The following SUSD6 variants were observed in gnomAD, a reference collection of about 807,000 sequenced individuals.
SUSD6 encodes the protein sushi domain containing 6.
A neutral mutation model predicts 28.4 loss-of-function variants in SUSD6; 16 were observed. The ratio of observed to expected loss-of-function variants is 0.56; its 90% CI spans 0.38 to 0.86. The LOEUF is 0.86. Among genes scored for constraint, SUSD6 ranks in the 40% least tolerant of loss-of-function variants. SUSD6 has a pLI of 0.00. For missense variants in SUSD6, 341 were observed against 384.2 expected (o/e 0.89, Z 0.94); for synonymous variants, 147 against 159.6 (o/e 0.92, Z 0.59).
At chr14:69,655,953 C>G (rs1885576114) in intron 1 of SUSD6, among the ~76,000 whole-genome samples, 1 of 152,254 alleles carries the variant, frequency 6.6e-6, no homozygotes, top group Admixed American at 6.5e-5. Flanking sequence ...TTATAATTTC[C>G]CTGTTTAGAA....
chr14:69,704,763 G>A (rs769440140), intron 4 of SUSD6, 21 bp downstream of exon 4: 96 of 1,610,852 alleles, frequency 6.0e-5, no homozygotes, highest in Non-Finnish European at 7.8e-5. Context: ...TGGCAGAGCT[G>A]ACATGAGACA....
chr14:69,643,853 A>G (rs962593328), intron 1 of SUSD6, among the ~76,000 whole-genome samples: 2 of 152,232 alleles, frequency 1.3e-5, no homozygotes, highest in East Asian at 1.9e-4. Flanking sequence ...GTAAAGCAGC[A>G]TACCTAGGCC....
At chr14:69,688,831 A>G (rs1177943141) in intron 2 of SUSD6, among the ~76,000 whole-genome samples, 2 of 152,230 alleles carry the variant, frequency 1.3e-5, no homozygotes, top group Non-Finnish European at 2.9e-5. Context: ...ATTATGAATA[A>G]CATGGCTTTG....
chr14:69,681,906 GT>G (rs1227141532), intron 2 of SUSD6, among the ~76,000 whole-genome samples: 1 of 152,186 alleles, frequency 6.6e-6, no homozygotes, highest in Non-Finnish European at 1.5e-5. Context: ...GTTAAATACT[GT>G]GTTAAATGTT....
intron 1 of SUSD6, among the ~76,000 whole-genome samples, chr14:69,623,017 G>T (rs1885064267): frequency 6.6e-6 from 1 of 152,214 alleles, no homozygotes; most frequent in African/African-American, 2.4e-5. Flanking sequence ...GTATGTAGTA[G>T]TGATGTTCAG....
At chr14:69,666,853 TG>T (rs759853802) in intron 2 of SUSD6, among the ~76,000 whole-genome samples, 13 of 152,240 alleles carry the variant, frequency 8.5e-5, no homozygotes, top group Admixed American at 2.0e-4. Flanking sequence ...AAAGTATTTT[TG>T]GTATTTCAGT....
intron 2 of SUSD6, among the ~76,000 whole-genome samples, chr14:69,695,712 A>C (rs1264115695): frequency 6.6e-6 from 1 of 152,128 alleles, no homozygotes; most frequent in Non-Finnish European, 1.5e-5. Context: ...TGCTGGGTGA[A>C]ATTGAGCAAG....
At chr14:69,701,392 C>T (rs56808476) in intron 2 of SUSD6, among the ~76,000 whole-genome samples, 2,080 of 152,228 alleles carry the variant, frequency 0.014, 56 homozygotes, top group African/African-American at 0.047. Flanking sequence ...GTCCTGCCTG[C>T]TTTCAGGAGC....
chr14:69,673,136 T>C (rs1335571862), intron 2 of SUSD6, among the ~76,000 whole-genome samples: 1 of 152,176 alleles, frequency 6.6e-6, no homozygotes, highest in East Asian at 1.9e-4. Flanking sequence ...GTCATTCAGG[T>C]GTGCCAGTGA....
chr14:69,706,591 G>C (rs942527620), intron 4 of SUSD6, among the ~76,000 whole-genome samples: 12 of 152,016 alleles, frequency 7.9e-5, no homozygotes, highest in Admixed American at 4.6e-4. Flanking sequence ...CTCCCTAGTA[G>C]CTGCAACCAC....
intron 1 of SUSD6, among the ~76,000 whole-genome samples, chr14:69,613,922 T>C (rs1884919338): frequency 6.6e-6 from 1 of 152,202 alleles, no homozygotes; most frequent in Non-Finnish European, 1.5e-5. Context: ...GCCTGCCTTC[T>C]GAAAGCCCAG....
intron 2 of SUSD6, among the ~76,000 whole-genome samples, chr14:69,687,479 C>A (rs1026064329): frequency 2.0e-5 from 3 of 152,162 alleles, no homozygotes; most frequent in Non-Finnish European, 4.4e-5. Context: ...CATTGCTAGC[C>A]TTCTATAACA....
intron 1 of SUSD6, among the ~76,000 whole-genome samples, chr14:69,616,681 C>T (rs1884963912): frequency 6.6e-6 from 1 of 152,096 alleles, no homozygotes. Flanking sequence ...TTACAGATAG[C>T]TTGGAAAATA....
rs2139618555 is a variant in SUSD6 at position 69,664,379 on chromosome 14, C to A, written c.121+5666C>A. 1.3e-5 allele frequency among the ~76,000 whole-genome samples: 2 copies of A among 152,214 alleles called. 1 individual carries two copies. Among genetic ancestry groups the A allele is most frequent in the South Asian group, 4.2e-4 (2 of 4,810 alleles). On this transcript the variant is annotated intron_variant, in intron 2 of 5. Transcript: ENST00000342745. The stretch of plus-strand genomic sequence containing the variant: ...AGGTGGTTCTATTCTTGGAAAGGAA[C>A]AATAGGGACGTAGTAAATAGTTTGC...
intron 2 of SUSD6, among the ~76,000 whole-genome samples, chr14:69,676,528 T>C (rs961590492): frequency 3.3e-5 from 5 of 151,918 alleles, no homozygotes; most frequent in African/African-American, 1.2e-4. Context: ...TACAGGTGCA[T>C]GCCACCATGC....
At chr14:69,621,860 G>A (rs923214081) in intron 1 of SUSD6, among the ~76,000 whole-genome samples, 18 of 152,136 alleles carry the variant, frequency 1.2e-4, no homozygotes, top group Admixed American at 1.2e-3. Flanking sequence ...TGAAAGAAGG[G>A]TGCTCTGTAC....
At chr14:69,674,242 G>A (rs1885875058) in intron 2 of SUSD6, among the ~76,000 whole-genome samples, 1 of 152,178 alleles carries the variant, frequency 6.6e-6, no homozygotes, top group Non-Finnish European at 1.5e-5. Context: ...AGGGTGCTCA[G>A]GATTGTTATT....
intron 1 of SUSD6, among the ~76,000 whole-genome samples, chr14:69,620,733 G>A (rs1885024434): frequency 6.6e-6 from 1 of 152,226 alleles, no homozygotes; most frequent in African/African-American, 2.4e-5. Flanking sequence ...AGGTCTAACA[G>A]TTTGGTGTGC....
chr14:69,695,899 C>T lies in SUSD6; in HGVS notation c.122-7496C>T, dbSNP rs535609172. Among the ~76,000 whole-genome samples, 24 of 152,338 alleles carry T rather than the reference C, an allele frequency of 1.6e-4. No homozygotes were observed. In the South Asian group the frequency reaches 5.0e-3, roughly 32 times the overall value. The stretch of plus-strand genomic sequence containing the variant: ...GAAACCTTTTGACCATATCAGATGT[C>T]ATCACTTGTTTTTTCTTCTTTGTAT... On this transcript the variant is annotated intron_variant, in intron 2 of 5. Transcript: ENST00000342745.
Sources: gnomAD v4.1 joint callset for allele counts (sites outside exome capture counted in the v4.1 genomes callset) on GRCh38, gnomAD v4.1.1 for gene constraint, MANE v1.5 for transcripts, NCBI Gene and HGNC (gene_info 2026-07-23, HGNC 2026-07-21) for gene names.